Variants in THSD7A observed in about 807,000 individuals in gnomAD.
THSD7A encodes thrombospondin type-1 domain-containing protein 7A.
Under a neutral mutation model 231.3 loss-of-function variants are expected in THSD7A, and 96 were observed. The observed-to-expected ratio is 0.41, with a 90% CI of 0.35 to 0.49. The LOEUF is 0.49. THSD7A is among the 20% of genes least tolerant of loss of function. The pLI is 0.05. For synonymous variants in THSD7A, 940 were observed against 743.3 expected (o/e 1.26, Z -4.30); for missense variants, 2,290 against 2,070.2 (o/e 1.11, Z -2.06).
rs903700483 is a variant in THSD7A at position 11,446,840 on chromosome 7, T to C, written c.2800+390A>G. On this transcript the variant is annotated intron_variant, in intron 12 of 27. Coordinates refer to ENST00000423059, the MANE Select transcript of THSD7A (RefSeq NM_015204.3). This position sits in a 1 kb window ranked among gnomAD's most constrained non-coding sequence, Gnocchi z 4.0. ...ATACAATTTTCAGATACAGAATTAA[T>C]GCTATATTCCCCCTTCTAGGTGAGA... 6.6e-6 allele frequency among the ~76,000 whole-genome samples: 1 copy of C among 152,278 alleles called. No individual in the cohort carries two copies. The highest frequency in any genetic ancestry group is 6.5e-5 in the Admixed American group (1 of 15,288).
At chr7:11,528,454 CCA>C (rs1283909572) in intron 6 of THSD7A, among the ~76,000 whole-genome samples, 2 of 151,996 alleles carry the variant, frequency 1.3e-5, no homozygotes, top group African/African-American at 4.8e-5. Context: ...AAGATCCATC[CCA>C]GCAAGCCTCA....
intron 23 of THSD7A, among the ~76,000 whole-genome samples, chr7:11,391,194 A>C (rs1430446614): frequency 6.6e-6 from 1 of 152,196 alleles, no homozygotes; most frequent in Non-Finnish European, 1.5e-5. Context: ...CTGCACTCAC[A>C]GTGCCCCTTG....
intron 2 of THSD7A, among the ~76,000 whole-genome samples, chr7:11,627,295 G>T (rs1316176021): frequency 1.3e-5 from 2 of 151,868 alleles, no homozygotes; most frequent in African/African-American, 4.8e-5. Flanking sequence ...AAGAAAGTTT[G>T]TCTAGTCATT....
chr7:11,537,381 T>G (rs1788956361), intron 6 of THSD7A, among the ~76,000 whole-genome samples: 1 of 152,216 alleles, frequency 6.6e-6, no homozygotes, highest in Non-Finnish European at 1.5e-5. Flanking sequence ...TGGTGGGACG[T>G]GATTGGATCA....
chr7:11,706,709 T>C (rs1323577959), intron 1 of THSD7A, among the ~76,000 whole-genome samples: 1 of 146,302 alleles, frequency 6.8e-6, no homozygotes, highest in East Asian at 2.1e-4. Flanking sequence ...TCATGGTATA[T>C]CCACAAACCA....
intron 1 of THSD7A, among the ~76,000 whole-genome samples, chr7:11,730,066 G>A (rs1356425905): frequency 6.6e-6 from 1 of 151,598 alleles, no homozygotes; most frequent in Non-Finnish European, 1.5e-5. Context: ...TGACTGTAAC[G>A]ATTTAACAAG....
intron 15 of THSD7A, among the ~76,000 whole-genome samples, chr7:11,425,577 T>C (rs993767936): frequency 6.6e-6 from 1 of 152,066 alleles, no homozygotes; most frequent in Non-Finnish European, 1.5e-5. Flanking sequence ...TTTAGTACAA[T>C]GAACCAATTA....
intron 7 of THSD7A, among the ~76,000 whole-genome samples, chr7:11,475,391 G>A (rs190252569): frequency 4.7e-4 from 72 of 151,938 alleles, no homozygotes; most frequent in Admixed American, 3.5e-3. Context: ...CCCACCTCCC[G>A]GTTTTTCTTT....
rs1196943026 is a variant in THSD7A, at chr7:11,474,776, A to G, written c.2018-208T>C. Among the ~76,000 whole-genome samples the G allele has an allele frequency of 6.6e-6, 1 of 152,184 alleles. No homozygotes were observed. Among genetic ancestry groups the G allele is most frequent in the Non-Finnish European group, 1.5e-5 (1 of 68,026 alleles). ...AGTTTCTGCTACACTCAAGGATCTC[A>G]TAATGTAGTAGGGAAAAGTAGTAGG... On this transcript the variant is annotated intron_variant, in intron 7 of 27. Transcript: ENST00000423059. The surrounding 1 kb of genome is among the most constrained non-coding windows in gnomAD (Gnocchi z 4.1).
chr7:11,709,054 A>C (rs1447752275), intron 1 of THSD7A, among the ~76,000 whole-genome samples: 2 of 150,846 alleles, frequency 1.3e-5, no homozygotes, highest in African/African-American at 4.8e-5. Context: ...CTGGAAACTG[A>C]AAAAATAAAA....
At chr7:11,653,280 A>G (rs1373089658) in intron 1 of THSD7A, among the ~76,000 whole-genome samples, 2 of 151,876 alleles carry the variant, frequency 1.3e-5, no homozygotes. Flanking sequence ...ACACATAAAT[A>G]GTACCCATGT....
intron 1 of THSD7A, among the ~76,000 whole-genome samples, chr7:11,798,934 T>C (rs2128180683): frequency 6.6e-6 from 1 of 152,174 alleles, no homozygotes; most frequent in African/African-American, 2.4e-5. Context: ...ACAACTCTTT[T>C]TTTTTTTGAG....
chr7:11,445,867 C>T (rs937535518), intron 13 of THSD7A, among the ~76,000 whole-genome samples, 194 bp downstream of exon 13: 4 of 151,960 alleles, frequency 2.6e-5, no homozygotes, highest in Admixed American at 6.6e-5. Context: ...ACTTAAGTTG[C>T]CAACTTCTGG....
intron 19 of THSD7A, 51 bp from the exon 20 acceptor site, chr7:11,407,474 G>A (rs1783625674): frequency 1.5e-6 from 2 of 1,360,146 alleles, no homozygotes; most frequent in East Asian, 4.8e-5. Context: ...GGGGGAGGGA[G>A]CCAGAGAATG....
intron 1 of THSD7A, among the ~76,000 whole-genome samples, chr7:11,686,994 C>T (rs1363402740): frequency 2.0e-5 from 3 of 151,702 alleles, no homozygotes; most frequent in Non-Finnish European, 4.4e-5. Flanking sequence ...AATAAACAAA[C>T]CCAAATACCT....
At chr7:11,644,901 T>G (rs1782221359) in intron 1 of THSD7A, among the ~76,000 whole-genome samples, 1 of 151,964 alleles carries the variant, frequency 6.6e-6, no homozygotes, top group African/African-American at 2.4e-5. Flanking sequence ...TGCCTTTCTT[T>G]TACACAAAAA....
intron 1 of THSD7A, among the ~76,000 whole-genome samples, chr7:11,740,201 A>G (rs1250384378): frequency 6.6e-6 from 1 of 151,934 alleles, no homozygotes; most frequent in Non-Finnish European, 1.5e-5. Flanking sequence ...AGGCACAGGC[A>G]AGAGGAAGGC....
chr7:11,564,704 G>C (rs543047426), intron 4 of THSD7A, among the ~76,000 whole-genome samples: 1 of 151,964 alleles, frequency 6.6e-6, no homozygotes, highest in Non-Finnish European at 1.5e-5. Flanking sequence ...GCCATTTTAG[G>C]GAATTATAGA....
chr7:11,762,602 ATTTG>A (rs1041380240), intron 1 of THSD7A, among the ~76,000 whole-genome samples: 1 of 151,954 alleles, frequency 6.6e-6, no homozygotes, highest in African/African-American at 2.4e-5. Context: ...ATTCTTGTTG[ATTTG>A]TTTAAGTTCC....
Sources: gnomAD v4.1 joint callset for allele counts (sites outside exome capture counted in the v4.1 genomes callset) on GRCh38, gnomAD v4.1.1 for gene constraint, Gnocchi (gnomAD v3.1) non-coding constraint, MANE v1.5 for transcripts, NCBI Gene and HGNC (gene_info 2026-07-23, HGNC 2026-07-21) for gene names.